The following STK4 variants were observed in gnomAD, a reference collection of about 807,000 sequenced individuals.
STK4 encodes the protein serine/threonine-protein kinase 4.
STK4 carries 30 observed loss-of-function variants against 64.9 expected under a neutral mutation model. That is an observed-to-expected ratio of 0.46 (90% confidence interval 0.35 to 0.63). STK4 has a LOEUF of 0.63. Among genes scored for constraint, STK4 ranks in the 20% least tolerant of loss-of-function variants. STK4 has a pLI of 0.01. For synonymous variants in STK4, 177 were observed against 199.0 expected (o/e 0.89, Z 0.93); for missense variants, 466 against 598.5 (o/e 0.78, Z 2.31).
At chr20:45,035,099 T>G (rs1015048083) in intron 10 of STK4, among the ~76,000 whole-genome samples, 3 of 152,138 alleles carry the variant, frequency 2.0e-5, no homozygotes, top group African/African-American at 7.2e-5. Flanking sequence ...TACAAAATAA[T>G]GCAAACTGTA....
Position 45,021,675 on chromosome 20 carries a change from A to C in STK4, c.1148-3298A>C, listed in dbSNP as rs558914834. ...ACCTCTTCCATCTGTTAAACCACCA[A>C]CAACAAAAAATCCAAAGAATCAGAG... On this transcript the variant is annotated intron_variant, in intron 9 of 10. Transcript: ENST00000372806. Among the ~76,000 whole-genome samples the C allele has an allele frequency of 5.9e-5, 9 of 152,302 alleles. 1 individual carries two copies. The East Asian group carries it at 1.2e-3, about 20-fold the overall frequency.
Position 45,024,991 on chromosome 20 carries a change from A to G in STK4, c.1166A>G (p.Gln389Arg), listed in dbSNP as rs771041343. The change falls in exon 10 of 11, where the codon CAG becomes CGG. Residue 389 changes from glutamine to arginine, a missense_variant. Around this residue, in one of 2 missense-constraint regions of STK4, gnomAD observed 276 missense variants for 308.9 expected, o/e 0.89. Coordinates refer to ENST00000372806, the MANE Select transcript of STK4 (RefSeq NM_006282.5). ...GTMKRRDETM[Q>R]PAKPSFLEYF... ...TTTTCAGGAAGGGATGAGACCATGC[A>G]GCCTGCGAAACCATCCTTTCTTGAA... 1 of 1,610,638 alleles carries G rather than the reference A, an allele frequency of 6.2e-7. No homozygotes were observed.
At chr20:45,039,844 G>A (rs927434848) in intron 10 of STK4, among the ~76,000 whole-genome samples, 2 of 152,022 alleles carry the variant, frequency 1.3e-5, no homozygotes, top group Non-Finnish European at 1.5e-5. Context: ...TTCTACTGAG[G>A]CTAACAGTTT....
chr20:44,976,386 T>C (rs1277353053), intron 2 of STK4, among the ~76,000 whole-genome samples: 1 of 152,208 alleles, frequency 6.6e-6, no homozygotes, highest in South Asian at 2.1e-4. Context: ...TTTTCATTCT[T>C]GAGGAAAGAC....
intron 9 of STK4, among the ~76,000 whole-genome samples, chr20:45,004,046 CTG>C (rs1376388529): frequency 6.6e-6 from 1 of 151,906 alleles, no homozygotes. Context: ...AAAATGATAA[CTG>C]TTGGTTAGTC....
At chr20:44,973,108 A>G (rs2067279573) in intron 2 of STK4, 2 of 152,166 alleles carry the variant, frequency 1.3e-5, no homozygotes, top group Admixed American at 6.5e-5. Flanking sequence ...CTAACTTGTA[A>G]AAACAACTAC....
At chr20:44,981,110 T>G (rs2067430717) in intron 3 of STK4, among the ~76,000 whole-genome samples, 1 of 152,164 alleles carries the variant, frequency 6.6e-6, no homozygotes, top group South Asian at 2.1e-4. Flanking sequence ...TCACATAGTC[T>G]ATAACATTTT....
At chr20:45,068,056 G>A (rs1381705879) in intron 10 of STK4, among the ~76,000 whole-genome samples, 1 of 152,142 alleles carries the variant, frequency 6.6e-6, no homozygotes, top group Non-Finnish European at 1.5e-5. Context: ...TCTTTCTGGT[G>A]GATGCATGAC....
chr20:44,991,966 G>C (rs1331325828), intron 5 of STK4, among the ~76,000 whole-genome samples: 1 of 152,000 alleles, frequency 6.6e-6, no homozygotes, highest in African/African-American at 2.4e-5. Flanking sequence ...GCCTGGCTGA[G>C]TGTTGCATCT....
chr20:45,055,328 A>G (rs1028133060), intron 10 of STK4, among the ~76,000 whole-genome samples: 6 of 152,174 alleles, frequency 3.9e-5, no homozygotes, highest in African/African-American at 1.4e-4. Flanking sequence ...CTTAGTAGTC[A>G]GTTTTGTTTG....
chr20:44,997,976 C>T (rs778462770), intron 7 of STK4, among the ~76,000 whole-genome samples: 4 of 152,146 alleles, frequency 2.6e-5, no homozygotes, highest in East Asian at 1.9e-4. Context: ...TTACTCATTT[C>T]GGGTCACTCA....
In STK4 at chr20:44,978,537, A is replaced by G; in HGVS notation, c.211A>G (p.Ile71Val). The change falls in exon 3 of 11, where the codon ATC becomes GTC. Residue 71 changes from isoleucine to valine, a missense_variant. Coordinates refer to ENST00000372806, the MANE Select transcript of STK4 (RefSeq NM_006282.5). ...TGTGGAATCAGACCTCCAGGAGATA[A>G]TCAAAGAAATCTCTATAATGCAGCA... is the stretch of plus-strand genomic sequence containing the variant. ...VPVESDLQEI[I>V]KEISIMQQCD... 1 of 1,614,114 alleles carries G rather than the reference A, an allele frequency of 6.2e-7. No homozygotes were observed. Among genetic ancestry groups the G allele is most frequent in the Non-Finnish European group, 8.5e-7 (1 of 1,179,992 alleles).
intron 9 of STK4, among the ~76,000 whole-genome samples, chr20:45,009,660 C>G (rs563536765): frequency 3.7e-4 from 57 of 152,216 alleles, no homozygotes; most frequent in African/African-American, 1.2e-3. Context: ...TCTTCCTATC[C>G]GTGAGCATAC....
At position 44,987,140 on chromosome 20, in the gene STK4, A is replaced by C. The variant is rs1402035924; in HGVS notation, c.369A>C (p.Glu123Asp). Residue 123 changes from glutamate (E) to aspartate (D), a missense_variant, in exon 5 of 11, where the codon GAA becomes GAC. By Grantham distance (45) the Glu-to-Asp change is conservative. This residue lies in a region of STK4 where 190 missense variants were observed against 289.7 expected (regional missense o/e 0.66). Coordinates refer to ENST00000372806, the MANE Select transcript of STK4 (RefSeq NM_006282.5). ...IIRLRNKTLT[E>D]DEIATILQST... ...TCTTATTCTTTTTTCAGTTAACAGA[A>C]GATGAAATAGCTACAATATTACAAT... 6.3e-7 allele frequency: 1 copy of C among 1,586,910 alleles called. No individual in the cohort carries two copies. The highest frequency in any genetic ancestry group is 8.6e-7 in the Non-Finnish European group (1 of 1,167,366).
chr20:45,061,352 A>C (rs1017452673), intron 10 of STK4, among the ~76,000 whole-genome samples: 6 of 152,206 alleles, frequency 3.9e-5, no homozygotes, highest in Non-Finnish European at 8.8e-5. Context: ...CCGAATATTA[A>C]ATAGAAAATT....
chr20:44,971,923 G>A (rs556003377), intron 1 of STK4, among the ~76,000 whole-genome samples, 155 bp from the exon 2 acceptor site: 1 of 151,646 alleles, frequency 6.6e-6, no homozygotes, highest in African/African-American at 2.4e-5. Context: ...TGCCTGTATC[G>A]GCCTCCCAAG....
At chr20:45,052,987 A>T in intron 10 of STK4, 2 of 936,154 alleles carry the variant, frequency 2.1e-6, no homozygotes, top group Non-Finnish European at 1.6e-6. Flanking sequence ...TTTTTGTTTC[A>T]ACTTCTTATT....
At chr20:45,041,647 G>T (rs1318502893) in intron 10 of STK4, among the ~76,000 whole-genome samples, 1 of 150,134 alleles carries the variant, frequency 6.7e-6, no homozygotes, top group African/African-American at 2.4e-5. Context: ...TGCTTTGTCA[G>T]TTTTGAGAAG....
chr20:45,019,299 T>C (rs1194257900), intron 9 of STK4, among the ~76,000 whole-genome samples: 1 of 152,126 alleles, frequency 6.6e-6, no homozygotes, highest in Non-Finnish European at 1.5e-5. Flanking sequence ...TCATATAACA[T>C]GTGGCCTTTT....
Sources: allele counts gnomAD v4.1 joint callset (sites outside exome capture counted in the v4.1 genomes callset), GRCh38; gene constraint gnomAD v4.1.1; regional missense constraint gnomAD v4.1.1; transcripts MANE v1.5; gene names NCBI Gene and HGNC (gene_info 2026-07-23, HGNC 2026-07-21).